Variants in TNFRSF21 observed in about 807,000 individuals in gnomAD.
The protein encoded by TNFRSF21 is TNF receptor superfamily member 21.
In TNFRSF21, 19 loss-of-function variants were observed where a neutral mutation model predicts 45.6. That is an observed-to-expected ratio of 0.42 (90% CI 0.29 to 0.61). The LOEUF (loss-of-function observed/expected upper bound fraction) is 0.61, where lower values mean the gene tolerates loss of function less well. Among genes scored for constraint, TNFRSF21 ranks in the 20% least tolerant of loss-of-function variants. The pLI is 0.23. For synonymous variants in TNFRSF21, 314 were observed against 335.5 expected (o/e 0.94, Z 0.70); for missense variants, 737 against 851.5 (o/e 0.87, Z 1.67).
chr6:47,244,964 G>A (rs907426487), intron 4 of TNFRSF21, among the ~76,000 whole-genome samples: 10 of 152,266 alleles, frequency 6.6e-5, no homozygotes, highest in South Asian at 2.1e-4. Context: ...TATCCAAATC[G>A]GTGTTTTGCC....
At chr6:47,308,433 A>C (rs1762969550) in intron 1 of TNFRSF21, among the ~76,000 whole-genome samples, 1 of 152,162 alleles carries the variant, frequency 6.6e-6, no homozygotes, top group South Asian at 2.1e-4. Context: ...GCAGTGATAA[A>C]AGATAGGCAA....
intron 3 of TNFRSF21, among the ~76,000 whole-genome samples, chr6:47,255,175 T>TGATGAACA (rs1764966794): frequency 6.6e-6 from 1 of 152,206 alleles, no homozygotes; most frequent in Admixed American, 6.5e-5. Context: ...TCCCCAGATC[T>TGATGAACA]GATGAACAGA....
chr6:47,240,654 A>G (rs1764730905), intron 4 of TNFRSF21, among the ~76,000 whole-genome samples: 1 of 152,222 alleles, frequency 6.6e-6, no homozygotes, highest in Non-Finnish European at 1.5e-5. Context: ...AAGCGATCAC[A>G]TGACCACAGG....
intron 3 of TNFRSF21, among the ~76,000 whole-genome samples, chr6:47,269,175 T>A (rs534950581): frequency 6.6e-6 from 1 of 151,824 alleles, no homozygotes; most frequent in South Asian, 2.1e-4. Context: ...GTGAATCTCC[T>A]CTAACCGTGA....
At chr6:47,306,686 G>A (rs1256573427) in intron 1 of TNFRSF21, among the ~76,000 whole-genome samples, 1 of 152,004 alleles carries the variant, frequency 6.6e-6, no homozygotes, top group Non-Finnish European at 1.5e-5. Flanking sequence ...TAAGCTTATA[G>A]TAAGCTATTT....
chr6:47,288,184 A>G (rs964650035), intron 1 of TNFRSF21, among the ~76,000 whole-genome samples: 4 of 152,280 alleles, frequency 2.6e-5, no homozygotes, highest in Non-Finnish European at 4.4e-5. Flanking sequence ...AATAATTGTC[A>G]TTTGGTCATA....
intron 1 of TNFRSF21, among the ~76,000 whole-genome samples, chr6:47,302,246 A>G (rs1762874333): frequency 6.6e-6 from 1 of 152,212 alleles, no homozygotes; most frequent in South Asian, 2.1e-4. Context: ...GAGTTAAACC[A>G]GTTTCTAAGA....
chr6:47,290,213 G>T (rs970750767), intron 1 of TNFRSF21, among the ~76,000 whole-genome samples: 10 of 152,174 alleles, frequency 6.6e-5, no homozygotes, highest in Non-Finnish European at 1.2e-4. Flanking sequence ...AGAAAGAAGA[G>T]AACTGAACCC....
chr6:47,271,428 A>G (rs776516009), intron 3 of TNFRSF21, among the ~76,000 whole-genome samples: 4 of 152,232 alleles, frequency 2.6e-5, no homozygotes, highest in Non-Finnish European at 4.4e-5. Flanking sequence ...TTCATAAGTG[A>G]AGGAGAAATA....
At chr6:47,250,329 T>C (rs1422203021) in intron 4 of TNFRSF21, among the ~76,000 whole-genome samples, 1 of 152,246 alleles carries the variant, frequency 6.6e-6, no homozygotes, top group Non-Finnish European at 1.5e-5. Context: ...CAAATGCTCA[T>C]GTCCCAGAAG....
At chr6:47,297,779 T>C (rs1200371492) in intron 1 of TNFRSF21, among the ~76,000 whole-genome samples, 1 of 152,158 alleles carries the variant, frequency 6.6e-6, no homozygotes, top group African/African-American at 2.4e-5. Context: ...TGCCTCGGCC[T>C]CCCAAAATGC....
Position 47,234,889 on chromosome 6 carries a change from C to A in TNFRSF21, c.1519G>T (p.Asp507Tyr). 1 of 1,366,630 alleles carries A rather than the reference C, an allele frequency of 7.3e-7. No individual in the cohort carries two copies. The highest frequency in any genetic ancestry group is 9.4e-7 in the Non-Finnish European group (1 of 1,058,540). The allele number at this position is 1,366,630 out of a possible 1,614,324, so 84.7% of individuals were successfully genotyped here. A position where few individuals can be genotyped will look rare whatever the true frequency, so the allele number is the denominator to read the frequency against. The stretch of plus-strand genomic sequence containing the variant: ...GGGCTCATCGGGAGAGCTAGTTTGT[C>A]AGTTTCCAGCTGTAGGAGGGAAAAT... ...LMEDTTQLET[D>Y]KLALPMSPSP... Residue 507 changes from aspartate (D) to tyrosine (Y), a missense_variant, in exon 5 of 6, where the codon GAC becomes TAC. Transcript: ENST00000296861.
chr6:47,273,738 G>T (rs1762459231), intron 3 of TNFRSF21, among the ~76,000 whole-genome samples: 1 of 152,160 alleles, frequency 6.6e-6, no homozygotes, highest in South Asian at 2.1e-4. Context: ...GTTTGCAGAT[G>T]ACATGACCAT....
In TNFRSF21 at chr6:47,283,922, A is replaced by G. The variant is rs1213492076; in HGVS notation, c.1243+16T>C. 2.6e-5 allele frequency: 42 copies of G among 1,605,044 alleles called. No individual in the cohort carries two copies. Among genetic ancestry groups the G allele is most frequent in the Non-Finnish European group, 3.3e-5 (39 of 1,175,810 alleles). On this transcript the variant is annotated intron_variant, in intron 3 of 5. Transcript: ENST00000296861. The stretch of plus-strand genomic sequence containing the variant: ...TAGAGAGATCTGTGAGCAAGGAGAG[A>G]AGAGAGAAGGCTCACCATGGCCATT...
intron 1 of TNFRSF21, among the ~76,000 whole-genome samples, chr6:47,307,567 T>C (rs1312337782): frequency 6.6e-6 from 1 of 151,958 alleles, no homozygotes; most frequent in East Asian, 1.9e-4. Flanking sequence ...AGAGATGGGG[T>C]CTCACTATGT....
rs112278570 is a variant in TNFRSF21, at chr6:47,232,572, A to AAG, written c.*191_*192dup. ...TCCCAGAAGAGTTATTTAAAAAAAA[A>AAG]AGAGAGAGAGAGAAGGAGAAAGAAC... is the stretch of plus-strand genomic sequence containing the variant. On this transcript the variant is annotated 3_prime_UTR_variant, in exon 6 of 6. Transcript: ENST00000296861. The AAG allele has an allele frequency of 1.3e-5, 7 of 557,410 alleles. No individual in the cohort carries two copies. The highest frequency in any genetic ancestry group is 2.2e-5 in the Non-Finnish European group (7 of 321,288). The allele number at this position is 557,410 out of a possible 1,614,324, so 34.5% of individuals were successfully genotyped here.
At chr6:47,243,247 C>T (rs76990011) in intron 4 of TNFRSF21, among the ~76,000 whole-genome samples, 10,149 of 152,112 alleles carry the variant, frequency 0.067, 438 homozygotes, top group African/African-American at 0.12. Flanking sequence ...ACTACTGTTA[C>T]CAAGTCACAA....
intron 3 of TNFRSF21, among the ~76,000 whole-genome samples, chr6:47,283,604 A>G (rs1411768815): frequency 6.6e-6 from 1 of 152,188 alleles, no homozygotes; most frequent in Non-Finnish European, 1.5e-5. Flanking sequence ...TCTTGTTTGG[A>G]TCAATGTTGC....
chr6:47,295,272 A>G (rs1401715839), intron 1 of TNFRSF21, among the ~76,000 whole-genome samples: 19 of 152,222 alleles, frequency 1.2e-4, no homozygotes, highest in African/African-American at 4.6e-4. Context: ...GTTGATGCCT[A>G]TTTATTCCTT....
Sources: allele counts gnomAD v4.1 joint callset (sites outside exome capture counted in the v4.1 genomes callset), GRCh38; gene constraint gnomAD v4.1.1; transcripts MANE v1.5; gene names NCBI Gene and HGNC (gene_info 2026-07-23, HGNC 2026-07-21).